TUB: variants seen among roughly 807,000 people sequenced by gnomAD.
TUB encodes the protein TUB bipartite transcription factor, also known as tubby protein homolog.
Under a neutral mutation model 59.7 loss-of-function variants are expected in TUB, and 33 were observed. The ratio of observed to expected loss-of-function variants is 0.55; its 90% CI spans 0.42 to 0.74. TUB has a LOEUF of 0.74. Ranked by LOEUF, TUB falls within the 30% of genes least tolerant of loss-of-function variation. TUB has a pLI of 0.00. For synonymous variants in TUB, 293 were observed against 256.4 expected (o/e 1.14, Z -1.36); for missense variants, 659 against 672.0 (o/e 0.98, Z 0.21).
At chr11:8,095,044 G>A (rs1037704462) in intron 4 of TUB, among the ~76,000 whole-genome samples, 13 of 152,228 alleles carry the variant, frequency 8.5e-5, no homozygotes, top group Non-Finnish European at 1.5e-4. Context: ...AGGGGCCCAC[G>A]TTTTTAATGA....
chr11:8,061,823 T>C lies in TUB; in HGVS notation c.203+22131T>C, dbSNP rs113530612. ...GAACTCCAAGGTCCCCCAGCTCTCT[T>C]GCTACTTCAGGAACAGTTTGGAGGG... On this transcript the variant is annotated intron_variant, in intron 2 of 12. Transcript: ENST00000305253. Among the ~76,000 whole-genome samples, 958 of 152,184 alleles carry C rather than the reference T, an allele frequency of 6.3e-3. 5 individuals are homozygous for C. The highest frequency in any genetic ancestry group is 9.8e-3 in the Non-Finnish European group (665 of 67,996).
intron 2 of TUB, among the ~76,000 whole-genome samples, chr11:8,072,164 G>C (rs553329599): frequency 1.3e-5 from 2 of 152,190 alleles, no homozygotes; most frequent in Admixed American, 6.5e-5. Flanking sequence ...GGACGCAGAG[G>C]GGGAAGGAGG....
chr11:8,038,705 A>C, exon 1 of TUB: 2 of 1,466,444 alleles, frequency 1.4e-6, no homozygotes, highest in Non-Finnish European at 9.0e-7. Context: ...TGTCCTAATT[A>C]ATGGGTGATG....
intron 2 of TUB, among the ~76,000 whole-genome samples, chr11:8,072,294 G>A (rs967971429): frequency 1.3e-5 from 2 of 152,128 alleles, no homozygotes; most frequent in Non-Finnish European, 2.9e-5. Context: ...GAGATGCAGA[G>A]GGGGAAGGGA....
chr11:8,067,038 C>A (rs1301778242), intron 2 of TUB, among the ~76,000 whole-genome samples: 1 of 152,180 alleles, frequency 6.6e-6, no homozygotes, highest in East Asian at 1.9e-4. Flanking sequence ...CCCTCCCGCT[C>A]CAGGCAGCTC....
At chr11:8,064,752 C>T (rs1943204887) in intron 2 of TUB, among the ~76,000 whole-genome samples, 1 of 152,158 alleles carries the variant, frequency 6.6e-6, no homozygotes, top group Non-Finnish European at 1.5e-5. Flanking sequence ...GCAGACAGGG[C>T]CACAGGGCCT....
chr11:8,038,890 C>A (rs1172159447), exon 1 of TUB: 2 of 1,614,080 alleles, frequency 1.2e-6, no homozygotes, highest in Non-Finnish European at 8.5e-7. Flanking sequence ...GCCAGGACAC[C>A]TTTGCCTTCT....
Position 8,105,103 on chromosome 11 carries a change from T to C in TUB, c.*3484T>C, listed in dbSNP as rs1564933590. 1 of 152,174 alleles carries C rather than the reference T, an allele frequency of 6.6e-6. No homozygotes were observed. Among genetic ancestry groups the C allele is most frequent in the South Asian group, 2.1e-4 (1 of 4,818 alleles). 9.4% of individuals were successfully genotyped at this position (152,174 alleles called of 1,614,324 possible). Reference sequence around the variant, plus strand: ...TGAGGGGAGATGCTGGGATAGCCATTTCCATGGCTCTGTTATGCAAGCACA... The same window carrying C: ...TGAGGGGAGATGCTGGGATAGCCATCTCCATGGCTCTGTTATGCAAGCACA... On this transcript the variant is annotated 3_prime_UTR_variant, in exon 12 of 12. Coordinates refer to ENST00000299506, the MANE Select transcript of TUB (RefSeq NM_177972.3).
At chr11:8,094,632 T>C (rs1943904237) in intron 4 of TUB, among the ~76,000 whole-genome samples, 1 of 152,192 alleles carries the variant, frequency 6.6e-6, no homozygotes, top group East Asian at 1.9e-4. Flanking sequence ...CTTGACTCCA[T>C]ATTCTAGTCC....
chr11:8,089,466 C>T, intron 1 of TUB, 144 bp from the exon 2 acceptor site: 1 of 975,666 alleles, frequency 1.0e-6, no homozygotes, highest in Non-Finnish European at 1.6e-6. Context: ...TCCACCCTTC[C>T]TCCTTCTACC....
intron 1 of TUB, among the ~76,000 whole-genome samples, chr11:8,020,179 GTAGT>G (rs1942401677): frequency 6.6e-6 from 1 of 152,244 alleles, no homozygotes; most frequent in South Asian, 2.1e-4. Flanking sequence ...ATAGTAGATA[GTAGT>G]TTGTTTGTTT....
chr11:8,081,373 G>C lies in TUB; in HGVS notation c.-138G>C, dbSNP rs953432079. The stretch of plus-strand genomic sequence containing the variant: ...AGCAGCCGGGGCCCTGGCGTGCAGC[G>C]CGGGCCTCGGCGGGGCCCAGCGCCC... On this transcript the variant is annotated 5_prime_UTR_variant, in exon 1 of 12. Transcript: ENST00000299506. 8.6e-4 allele frequency: 855 copies of C among 991,272 alleles called. 1 individual carries two copies. Among genetic ancestry groups the C allele is most frequent in the South Asian group, 5.4e-3 (118 of 21,982 alleles). The allele number at this position is 991,272 out of a possible 1,614,324, so 61.4% of individuals were successfully genotyped here.
chr11:8,105,617 A>AAGATAAAGATGT lies in TUB; in HGVS notation c.*3999_*4010dup, dbSNP rs1183067909. ...TCTCTAGGTCCATTTTCCTAACCACAAGATAAAGATGTTACATTGTCAAAG... is the reference window on the plus strand; with the variant it reads ...TCTCTAGGTCCATTTTCCTAACCACAAGATAAAGATGTAGATAAAGATGTTACATTGTCAAAG... On this transcript the variant is annotated 3_prime_UTR_variant, in exon 12 of 12. Coordinates refer to ENST00000299506, the MANE Select transcript of TUB (RefSeq NM_177972.3). The AAGATAAAGATGT allele has an allele frequency of 6.6e-6, 1 of 152,166 alleles. No homozygotes were observed. Among genetic ancestry groups the AAGATAAAGATGT allele is most frequent in the Non-Finnish European group, 1.5e-5 (1 of 68,012 alleles). The allele number at this position is 152,166 out of a possible 1,614,324, so 9.4% of individuals were successfully genotyped here. A position where few individuals can be genotyped will look rare whatever the true frequency, so the allele number is the denominator to read the frequency against.
chr11:8,019,792 G>C (rs1391444626), intron 1 of TUB, among the ~76,000 whole-genome samples: 1 of 151,846 alleles, frequency 6.6e-6, no homozygotes, highest in Non-Finnish European at 1.5e-5. Flanking sequence ...GCGCCCCGCC[G>C]GCCCTCCGCA....
rs1333207983 is a variant in TUB at position 8,105,998 on chromosome 11, A to T, written c.*4379A>T. On this transcript the variant is annotated 3_prime_UTR_variant, in exon 12 of 12. Transcript: ENST00000299506. Reference sequence around the variant, plus strand: ...TATTTGCACAAGATTGTCTTTTCCTATTTTGGAGTGGTCAGACATTTTATT... The same window carrying T: ...TATTTGCACAAGATTGTCTTTTCCTTTTTTGGAGTGGTCAGACATTTTATT... 1 of 151,812 alleles carries T rather than the reference A, an allele frequency of 6.6e-6. No homozygotes were observed. The highest frequency in any genetic ancestry group is 1.5e-5 in the Non-Finnish European group (1 of 67,790). 9.4% of individuals were successfully genotyped at this position (151,812 alleles called of 1,614,324 possible).
intron 2 of TUB, among the ~76,000 whole-genome samples, chr11:8,069,710 TC>T (rs1246423380): frequency 2.6e-5 from 4 of 152,188 alleles, no homozygotes; most frequent in African/African-American, 9.7e-5. Flanking sequence ...TGTTTTTTTT[TC>T]CTTCCAGATA....
chr11:8,075,961 G>A (rs1943442174), intron 2 of TUB: 1 of 152,234 alleles, frequency 6.6e-6, no homozygotes, highest in African/African-American at 2.4e-5. Context: ...TTGTGGGTTG[G>A]TGGAGACCAC....
chr11:8,100,799 C>T, intron 10 of TUB, 27 bp from the exon 11 acceptor site: 2 of 1,611,800 alleles, frequency 1.2e-6, no homozygotes, highest in Non-Finnish European at 1.7e-6. Context: ...AGGCCTGGGC[C>T]TGGCTCAGGT....
At chr11:8,052,592 C>G (rs1942950639) in intron 2 of TUB, among the ~76,000 whole-genome samples, 1 of 150,680 alleles carries the variant, frequency 6.6e-6, no homozygotes, top group African/African-American at 2.4e-5. Flanking sequence ...GCCTCAGCCT[C>G]TCATGTAGCC....
Sources: gnomAD v4.1 joint callset for allele counts (sites outside exome capture counted in the v4.1 genomes callset) on GRCh38, gnomAD v4.1.1 for gene constraint, MANE v1.5 for transcripts, NCBI Gene and HGNC (gene_info 2026-07-23, HGNC 2026-07-21) for gene names.